The following DIDO1 variants were observed in gnomAD, a reference collection of about 807,000 sequenced individuals.
DIDO1 encodes the protein death-inducer obliterator 1.
In DIDO1, 16 loss-of-function variants were observed where a neutral mutation model predicts 99.4. The ratio of observed to expected loss-of-function variants is 0.16; its 90% CI spans 0.11 to 0.24. The LOEUF (loss-of-function observed/expected upper bound fraction) is 0.24, where lower values mean the gene tolerates loss of function less well. DIDO1 is among the 10% of genes least tolerant of loss of function. DIDO1 has a pLI of 1.00. For synonymous variants in DIDO1, 1,366 were observed against 1,239.1 expected, an observed-to-expected ratio of 1.10 and a Z score of -2.15; for missense variants, 2,996 against 3,014.0, an observed-to-expected ratio of 0.99 and a Z score of 0.14.
Position 62,892,942 on chromosome 20 carries a change from G to A in DIDO1, c.3122C>T (p.Pro1041Leu). 1.2e-6 allele frequency: 2 copies of A among 1,613,174 alleles called. No individual in the cohort carries two copies. Among genetic ancestry groups the A allele is most frequent in the Non-Finnish European group, 1.7e-6 (2 of 1,179,308 alleles). ...PNISTSESRSPPEGDTTLFLS... is the reference protein window; with the variant it reads ...PNISTSESRSLPEGDTTLFLS... ...AAAGAGGGTCGTGTCTCCCTCTGGA[G>A]GGGAACGTGATTCTGAAGTGCTGTA... Residue 1041 changes from proline to leucine, a missense_variant, in exon 13 of 16, where the codon CCT becomes CTT. By Grantham distance (98) the Pro-to-Leu change is moderately conservative. Around this residue, in one of 5 missense-constraint regions of DIDO1, gnomAD observed 898 missense variants for 972.7 expected, o/e 0.92. Transcript: ENST00000395343.
chr20:62,896,386 A>G lies in DIDO1; in HGVS notation c.2061T>C (p.Asn687=), dbSNP rs139501095. 8.1e-5 allele frequency: 131 copies of G among 1,613,872 alleles called. No homozygotes were observed. Among genetic ancestry groups the G allele is most frequent in the Non-Finnish European group, 1.1e-4 (125 of 1,179,990 alleles). Reference sequence around the variant, plus strand: ...CTGTCATGATTAAGTCATCGCTGTCATTGACTCTGAACAGAATAAAAAAAA... The same window carrying G: ...CTGTCATGATTAAGTCATCGCTGTCGTTGACTCTGAACAGAATAAAAAAAA... ...SLKEILWKRV[N]DSDDLIMTEN... Residue 687 remains asparagine, a synonymous_variant, in exon 8 of 16, where the codon AAT becomes AAC. Transcript: ENST00000395343. This position sits in a 1 kb window ranked among gnomAD's most constrained non-coding sequence, Gnocchi z 4.4.
chr20:62,925,267 T>TC (rs1429855395), intron 1 of DIDO1, among the ~76,000 whole-genome samples: 5 of 152,194 alleles, frequency 3.3e-5, no homozygotes, highest in African/African-American at 7.2e-5. Flanking sequence ...CACTGCTGTA[T>TC]CCCTCGTGCT....
At chr20:62,905,713 A>C (rs1053806103) in intron 6 of DIDO1, 174 bp downstream of exon 6, 1 of 1,609,120 alleles carries the variant, frequency 6.2e-7, no homozygotes, top group South Asian at 1.1e-5. Context: ...AGGGATGGAC[A>C]CAGGGCAGCA....
chr20:62,935,363 AG>A (rs2065371937), intron 1 of DIDO1, among the ~76,000 whole-genome samples: 1 of 152,180 alleles, frequency 6.6e-6, no homozygotes, highest in Non-Finnish European at 1.5e-5. Flanking sequence ...ATTACGATTT[AG>A]CCATAATCAA....
rs1283073877 is a variant in DIDO1, at chr20:62,911,773, G to C, written c.-2-159C>G. Among the ~76,000 whole-genome samples the C allele has an allele frequency of 6.6e-6, 1 of 152,236 alleles. No individual in the cohort carries two copies. Among genetic ancestry groups the C allele is most frequent in the Non-Finnish European group, 1.5e-5 (1 of 68,048 alleles). Reference sequence around the variant, plus strand: ...GTGTTTCCTAATGTGTGCTATGTGAGATGATTCAAGATGATTTGTAAAGAT... The same window carrying C: ...GTGTTTCCTAATGTGTGCTATGTGACATGATTCAAGATGATTTGTAAAGAT... On this transcript the variant is annotated intron_variant, in intron 2 of 15. Transcript: ENST00000395343. This position sits in a 1 kb window ranked among gnomAD's most constrained non-coding sequence, Gnocchi z 7.0.
chr20:62,912,121 A>G (rs1382900457), intron 2 of DIDO1, among the ~76,000 whole-genome samples: 4 of 152,202 alleles, frequency 2.6e-5, no homozygotes, highest in Admixed American at 2.6e-4. Flanking sequence ...TTTTGCAAGT[A>G]TGGGCTGGCC....
At chr20:62,884,622 C>G (rs1014824305) in intron 15 of DIDO1, among the ~76,000 whole-genome samples, 1 of 152,206 alleles carries the variant, frequency 6.6e-6, no homozygotes, top group Non-Finnish European at 1.5e-5. Context: ...CTAAATTCCA[C>G]TAAGGAACTG....
intron 15 of DIDO1, among the ~76,000 whole-genome samples, chr20:62,883,782 C>T (rs6011444): frequency 0.42 from 64,465 of 151,722 alleles, 15,510 homozygotes; most frequent in African/African-American, 0.67. Context: ...GCCGAGATCA[C>T]ACCACTGCAC....
chr20:62,894,165 C>A lies in DIDO1; in HGVS notation c.2602G>T (p.Ala868Ser), dbSNP rs933404535. 1 of 1,613,766 alleles carries A rather than the reference C, an allele frequency of 6.2e-7. No individual in the cohort carries two copies. The highest frequency in any genetic ancestry group is 1.1e-5 in the South Asian group (1 of 91,070). Residue 868 changes from alanine (A) to serine (S), a missense_variant, in exon 12 of 16, where the codon GCT (alanine) becomes TCT (serine). Physicochemically the swap from Ala to Ser is moderately conservative, Grantham distance 99 (BLOSUM62 1). This residue lies in a region of DIDO1 where 898 missense variants were observed against 972.7 expected (regional missense o/e 0.92). Coordinates refer to ENST00000395343, the MANE Select transcript of DIDO1 (RefSeq NM_001193369.2). This position sits in a 1 kb window ranked among gnomAD's most constrained non-coding sequence, Gnocchi z 4.4. ...GQVPSAEDEP[A>S]PKKQKLSASV... is the part of the protein sequence containing the mutation. ...GCTGACAATTTTTGTTTTTTCGGAG[C>A]TGGCTCATCTTCTGCGGAGGGAACC...
upstream of DIDO1, among the ~76,000 whole-genome samples, chr20:62,931,360 C>A (rs1330119533): frequency 6.6e-6 from 1 of 152,128 alleles, no homozygotes; most frequent in Non-Finnish European, 1.5e-5. Flanking sequence ...TCTTTGAGGT[C>A]AGTGAAAAGT....
intron 15 of DIDO1, chr20:62,887,513 T>C: frequency 1.0e-6 from 1 of 985,468 alleles, no homozygotes; most frequent in Non-Finnish European, 1.2e-6. Context: ...AGGGCGGTGT[T>C]TCCTCCTGCC....
At chr20:62,900,961 G>A (rs1297854249) in intron 6 of DIDO1, among the ~76,000 whole-genome samples, 1 of 152,212 alleles carries the variant, frequency 6.6e-6, no homozygotes, top group African/African-American at 2.4e-5. Context: ...GTACAACAAT[G>A]CAGTTTCCTG....
intron 1 of DIDO1, among the ~76,000 whole-genome samples, chr20:62,921,851 C>T (rs1372909141): frequency 6.6e-6 from 1 of 150,422 alleles, no homozygotes; most frequent in African/African-American, 2.5e-5. Flanking sequence ...ATATCCACTA[C>T]ATATACCCGC....
chr20:62,893,184 C>A (rs1210738016), intron 12 of DIDO1, among the ~76,000 whole-genome samples: 1 of 152,136 alleles, frequency 6.6e-6, no homozygotes, highest in African/African-American at 2.4e-5. Context: ...CATTACCACA[C>A]CTAGCTAATT....
At position 62,896,630 on chromosome 20, in the gene DIDO1, G is replaced by A; in HGVS notation, c.1955C>T (p.Ala652Val). 1.2e-6 allele frequency: 2 copies of A among 1,613,986 alleles called. No homozygotes were observed. Among genetic ancestry groups the A allele is most frequent in the Non-Finnish European group, 1.7e-6 (2 of 1,179,858 alleles). The change falls in exon 7 of 16, where the codon GCC becomes GTC. Residue 652 changes from alanine (A) to valine (V), a missense_variant. By Grantham distance (64) the Ala-to-Val change is moderately conservative. Transcript: ENST00000395343. This position sits in a 1 kb window ranked among gnomAD's most constrained non-coding sequence, Gnocchi z 4.4. The stretch of plus-strand genomic sequence containing the variant: ...ACTCATAGCCCCAAGGCGTCCTGGG[G>A]CTGGCGAGGCCATTGGAACAGAAGG... ...VVPSVPMASPAPGRLGAMSAA... is the reference protein window; with the variant it reads ...VVPSVPMASPVPGRLGAMSAA...
At chr20:62,923,437 G>A (rs1339764992) in intron 1 of DIDO1, among the ~76,000 whole-genome samples, 1 of 152,096 alleles carries the variant, frequency 6.6e-6, no homozygotes, top group Non-Finnish European at 1.5e-5. Context: ...GCCTCCCAAA[G>A]TGCTGGGATT....
At position 62,891,073 on chromosome 20, in the gene DIDO1, C is replaced by T. The variant is rs752218434; in HGVS notation, c.3428G>A (p.Arg1143His). The T allele has an allele frequency of 1.9e-6, 3 of 1,614,162 alleles. No homozygotes were observed. The highest frequency in any genetic ancestry group is 2.5e-6 in the Non-Finnish European group (3 of 1,180,036). The stretch of plus-strand genomic sequence containing the variant: ...ATTAGCTACAACACCAAAGCGGCCA[C>T]GGCTGCTGAAATAGGAGTAGAGAGA... ...YISLYSYFSS[R>H]GRFGVVANNN... Residue 1143 changes from arginine (R) to histidine (H), a missense_variant, in exon 15 of 16, where the codon CGT (arginine) becomes CAT (histidine). By Grantham distance (29) the Arg-to-His change is conservative. Coordinates refer to ENST00000395343, the MANE Select transcript of DIDO1 (RefSeq NM_001193369.2).
At chr20:62,906,619 AT>A (rs2064810907) in intron 5 of DIDO1, among the ~76,000 whole-genome samples, 1 of 152,240 alleles carries the variant, frequency 6.6e-6, no homozygotes, top group African/African-American at 2.4e-5. Context: ...GGTCACAAAC[AT>A]AACCGGGGCA....
At chr20:62,885,108 C>G (rs767267057) in intron 15 of DIDO1, among the ~76,000 whole-genome samples, 1 of 152,252 alleles carries the variant, frequency 6.6e-6, no homozygotes, top group Non-Finnish European at 1.5e-5. Flanking sequence ...CTGGACCATA[C>G]ATCTGCAGAG....
Sources: allele counts gnomAD v4.1 joint callset (sites outside exome capture counted in the v4.1 genomes callset), GRCh38; gene constraint gnomAD v4.1.1; regional missense constraint gnomAD v4.1.1; non-coding constraint Gnocchi (gnomAD v3.1); transcripts MANE v1.5; gene names NCBI Gene and HGNC (gene_info 2026-07-23, HGNC 2026-07-21).